Variants in CD226 observed in about 807,000 individuals in gnomAD.
The protein encoded by CD226 is CD226 antigen.
CD226 carries 24 observed loss-of-function variants against 34.9 expected under a neutral mutation model. That is an observed-to-expected ratio of 0.69 (90% CI 0.50 to 0.97). CD226 has a LOEUF of 0.97. Ranked by LOEUF, CD226 falls within the 50% of genes least tolerant of loss-of-function variation. The probability of loss-of-function intolerance (pLI) is 0.00; values close to 1 mark genes in which losing one functional copy is unlikely to be tolerated. For synonymous variants in CD226, 148 were observed against 147.4 expected, an observed-to-expected ratio of 1.00 and a Z score of -0.03; for missense variants, 397 against 412.7, an observed-to-expected ratio of 0.96 and a Z score of 0.33.
At position 69,873,135 on chromosome 18, in the gene CD226, A is replaced by G; in HGVS notation, c.830+9T>C. 7.1e-7 allele frequency: 1 copy of G among 1,417,300 alleles called. No homozygotes were observed. The highest frequency in any genetic ancestry group is 1.2e-5 in the South Asian group (1 of 86,868). The allele number at this position is 1,417,300 out of a possible 1,614,324, so 87.8% of individuals were successfully genotyped here. ...GTGAATAAGATTCAGCATAAGTTGC[A>G]CTACTCACCTGTTAAGGAAAATGAC... On this transcript the variant is annotated intron_variant, in intron 4 of 5. Coordinates refer to ENST00000582621, the MANE Select transcript of CD226 (RefSeq NM_001303618.2).
At chr18:69,907,221 A>G (rs997739378) in intron 2 of CD226, among the ~76,000 whole-genome samples, 4 of 152,210 alleles carry the variant, frequency 2.6e-5, no homozygotes, top group African/African-American at 7.2e-5. Context: ...GGTGAATGCA[A>G]TCTAAAGCAA....
intron 2 of CD226, among the ~76,000 whole-genome samples, chr18:69,932,342 G>A (rs1371169677): frequency 6.6e-6 from 1 of 152,178 alleles, no homozygotes; most frequent in East Asian, 1.9e-4. Flanking sequence ...TGTAACTAGA[G>A]GGAAGTAAAG....
intron 1 of CD226, among the ~76,000 whole-genome samples, chr18:69,953,403 C>T (rs926302586): frequency 1.3e-5 from 2 of 152,164 alleles, no homozygotes; most frequent in Non-Finnish European, 2.9e-5. Flanking sequence ...GAATGAAGGG[C>T]TAATGCATGC....
intron 1 of CD226, among the ~76,000 whole-genome samples, chr18:69,953,748 C>G (rs2055873216): frequency 6.6e-6 from 1 of 151,978 alleles, no homozygotes; most frequent in Admixed American, 6.6e-5. Flanking sequence ...ACCTGTAATC[C>G]CAGTACTTTG....
At chr18:69,922,851 C>T (rs1324583675) in intron 2 of CD226, among the ~76,000 whole-genome samples, 1 of 152,152 alleles carries the variant, frequency 6.6e-6, no homozygotes, top group Non-Finnish European at 1.5e-5. Context: ...TCATAACTGG[C>T]CAGGCTTGGT....
chr18:69,913,623 T>G (rs542169059), intron 2 of CD226, among the ~76,000 whole-genome samples: 1 of 152,346 alleles, frequency 6.6e-6, no homozygotes, highest in East Asian at 1.9e-4. Flanking sequence ...TAACAACCTT[T>G]GTAAATTACT....
intron 4 of CD226, among the ~76,000 whole-genome samples, chr18:69,868,144 A>C (rs1479711512): frequency 1.3e-5 from 2 of 152,228 alleles, no homozygotes; most frequent in Non-Finnish European, 2.9e-5. Context: ...AGAAGAGAAA[A>C]TACCAGAGAA....
At chr18:69,887,089 G>T (rs986606644) in intron 3 of CD226, among the ~76,000 whole-genome samples, 1 of 152,168 alleles carries the variant, frequency 6.6e-6, no homozygotes, top group African/African-American at 2.4e-5. Flanking sequence ...TTTCAAAACT[G>T]ATACCTTTAT....
At chr18:69,868,571 C>T (rs1040689124) in intron 4 of CD226, among the ~76,000 whole-genome samples, 6 of 152,100 alleles carry the variant, frequency 3.9e-5, no homozygotes, top group African/African-American at 1.4e-4. Flanking sequence ...ATTTACTATA[C>T]ACAAGGCATA....
chr18:69,895,894 G>T lies in CD226; in HGVS notation c.534C>A (p.Tyr178Ter). 2 of 1,614,172 alleles carry T rather than the reference G, an allele frequency of 1.2e-6. No individual in the cohort carries two copies. Among genetic ancestry groups the T allele is most frequent in the Non-Finnish European group, 1.7e-6 (2 of 1,180,032 alleles). ...AATTTCTGCCATGGACCAAGTTGCA[G>T]TAAGTTAAGAGGTCGATCTGACGGG... The part of the protein sequence containing the change: ...IQPRQIDLLT[Y>*]CNLVHGRNFT... Residue 178 changes from tyrosine (Y) to a stop codon, truncating the protein, a stop_gained, in exon 3 of 6, where the codon TAC becomes TAA. Transcript: ENST00000582621. LOFTEE classifies it high-confidence loss of function.
At chr18:69,898,880 G>T (rs893090999) in intron 2 of CD226, among the ~76,000 whole-genome samples, 3 of 152,160 alleles carry the variant, frequency 2.0e-5, no homozygotes, top group African/African-American at 7.2e-5. Context: ...GGATCCTGAT[G>T]AACTTGGAAT....
chr18:69,936,366 C>T (rs970778147), intron 2 of CD226, among the ~76,000 whole-genome samples: 1 of 152,188 alleles, frequency 6.6e-6, no homozygotes, highest in Non-Finnish European at 1.5e-5. Flanking sequence ...CCTTGGCACA[C>T]GTTCTGGTAA....
At chr18:69,931,517 AGTG>A (rs1163807791) in intron 2 of CD226, among the ~76,000 whole-genome samples, 1 of 152,238 alleles carries the variant, frequency 6.6e-6, no homozygotes, top group Non-Finnish European at 1.5e-5. Flanking sequence ...AAAATAACTA[AGTG>A]TACTAATTCT....
At position 69,895,777 on chromosome 18, in the gene CD226, C is replaced by T. The variant is rs207476919; in HGVS notation, c.651G>A (p.Ser217=). 1.9e-6 allele frequency: 3 copies of T among 1,614,032 alleles called. No individual in the cohort carries two copies. The highest frequency in any genetic ancestry group is 1.3e-5 in the African/African-American group (1 of 74,914). The part of the protein sequence containing the change: ...IVIPDVTVSD[S]GLYRCYLQAS... ...CCTGCAAGTAGCAGCGGTAAAGCCC[C>T]GAGTCTGAGACTGTGACATCGGGGA... is the stretch of plus-strand genomic sequence containing the variant. The change falls in exon 3 of 6, where the codon TCG becomes TCA. Residue 217 remains serine, a synonymous_variant. Coordinates refer to ENST00000582621, the MANE Select transcript of CD226 (RefSeq NM_001303618.2).
At chr18:69,934,138 A>G (rs2055621845) in intron 2 of CD226, among the ~76,000 whole-genome samples, 1 of 152,220 alleles carries the variant, frequency 6.6e-6, no homozygotes, top group African/African-American at 2.4e-5. Context: ...AAAAAGGTAT[A>G]CATTCAACTA....
chr18:69,874,474 G>C (rs1448525291), intron 3 of CD226, among the ~76,000 whole-genome samples: 2 of 152,158 alleles, frequency 1.3e-5, no homozygotes, highest in Non-Finnish European at 2.9e-5. Flanking sequence ...TCGGGAAAGC[G>C]AACCTGTCAA....
intron 2 of CD226, among the ~76,000 whole-genome samples, chr18:69,910,227 T>C (rs1364191078): frequency 6.6e-6 from 1 of 152,176 alleles, no homozygotes; most frequent in Admixed American, 6.5e-5. Context: ...GAGACTTGCG[T>C]CCAAAGACTA....
upstream of CD226, among the ~76,000 whole-genome samples, chr18:69,959,464 C>T (rs1279628284): frequency 2.0e-5 from 3 of 152,198 alleles, no homozygotes; most frequent in African/African-American, 7.2e-5. Context: ...TGCAGCATCG[C>T]ATCAGCTACC....
At chr18:69,935,275 G>T (rs1294635236) in intron 2 of CD226, among the ~76,000 whole-genome samples, 1 of 152,164 alleles carries the variant, frequency 6.6e-6, no homozygotes, top group African/African-American at 2.4e-5. Flanking sequence ...GATCTGTTAA[G>T]AGGTAAATTC....
Sources: gnomAD v4.1 joint callset for allele counts (sites outside exome capture counted in the v4.1 genomes callset) on GRCh38, gnomAD v4.1.1 for gene constraint, MANE v1.5 for transcripts, NCBI Gene and HGNC (gene_info 2026-07-23, HGNC 2026-07-21) for gene names.